The following PLCB1 variants were observed in gnomAD, a reference collection of about 807,000 sequenced individuals.
PLCB1 encodes the protein 1-phosphatidylinositol 4,5-bisphosphate phosphodiesterase beta-1.
In PLCB1, 46 loss-of-function variants were observed where a neutral mutation model predicts 161.8. The ratio of observed to expected loss-of-function variants is 0.28; its 90% CI spans 0.22 to 0.36. The LOEUF is 0.36. Ranked by LOEUF, PLCB1 falls within the 10% of genes least tolerant of loss-of-function variation. The probability of loss-of-function intolerance (pLI) is 1.00; values close to 1 mark genes in which losing one functional copy is unlikely to be tolerated. For synonymous variants in PLCB1, 517 were observed against 503.7 expected (o/e 1.03, Z -0.35); for missense variants, 1,016 against 1,472.5 (o/e 0.69, Z 5.07).
intron 2 of PLCB1, among the ~76,000 whole-genome samples, chr20:8,203,206 C>T (rs940547993): frequency 5.3e-5 from 8 of 151,810 alleles, no homozygotes; most frequent in African/African-American, 1.9e-4. Context: ...AGAATCTGAG[C>T]AATGGGAGTA....
chr20:8,561,878 A>G (rs1364501012), intron 3 of PLCB1, among the ~76,000 whole-genome samples: 1 of 148,834 alleles, frequency 6.7e-6, no homozygotes, highest in Admixed American at 6.6e-5. Context: ...CAATCTACAT[A>G]TAAGAACTAA....
intron 2 of PLCB1, among the ~76,000 whole-genome samples, chr20:8,224,941 AT>A (rs1165492351): frequency 6.6e-6 from 1 of 152,122 alleles, no homozygotes; most frequent in Non-Finnish European, 1.5e-5. Context: ...TGTGGTATTC[AT>A]TTTTTAACCA....
intron 2 of PLCB1, among the ~76,000 whole-genome samples, chr20:8,306,196 C>T (rs1338562546): frequency 6.6e-6 from 1 of 152,146 alleles, no homozygotes; most frequent in African/African-American, 2.4e-5. Flanking sequence ...CAAAGATTGG[C>T]TGCAGGGAGT....
At chr20:8,574,129 A>G (rs1986604553) in intron 3 of PLCB1, among the ~76,000 whole-genome samples, 1 of 152,242 alleles carries the variant, frequency 6.6e-6, no homozygotes, top group African/African-American at 2.4e-5. Context: ...TTGGCCTGGC[A>G]TAGTGGCTTA....
chr20:8,170,305 A>C (rs2051720701), intron 2 of PLCB1, among the ~76,000 whole-genome samples: 1 of 152,134 alleles, frequency 6.6e-6, no homozygotes, highest in Non-Finnish European at 1.5e-5. Context: ...TCAAATCCTA[A>C]AGTAGTTTTA....
intron 3 of PLCB1, among the ~76,000 whole-genome samples, chr20:8,379,756 G>T (rs1487152759): frequency 6.6e-6 from 1 of 151,940 alleles, no homozygotes; most frequent in African/African-American, 2.4e-5. Flanking sequence ...TCTTCTTTTG[G>T]AAAGTGTCTG....
In PLCB1 at chr20:8,790,193, A is replaced by C; in HGVS notation, c.3355A>C (p.Lys1119Gln). The change falls in exon 31 of 32, where the codon AAA (lysine) becomes CAA (glutamine). Residue 1119 changes from lysine (K) to glutamine (Q), a missense_variant. By Grantham distance (53) the Lys-to-Gln change is moderately conservative. Coordinates refer to ENST00000338037, the MANE Select transcript of PLCB1 (RefSeq NM_015192.4). ...YIKRLEEAQS[K>Q]RQEKLVEKHK... is the part of the protein sequence containing the mutation. ...CTTATAGCTAGAAGAAGCGCAAAGT[A>C]AACGGCAAGAAAAACTCGTAGAGAA... is the stretch of plus-strand genomic sequence containing the variant. 1 of 1,611,228 alleles carries C rather than the reference A, an allele frequency of 6.2e-7. No individual in the cohort carries two copies. Among genetic ancestry groups the C allele is most frequent in the Non-Finnish European group, 8.5e-7 (1 of 1,178,104 alleles).
intron 2 of PLCB1, among the ~76,000 whole-genome samples, chr20:8,172,340 G>A (rs774382642): frequency 6.6e-6 from 1 of 152,250 alleles, no homozygotes; most frequent in South Asian, 2.1e-4. Flanking sequence ...TTTAAAGGCC[G>A]TGAGGGATAA....
intron 3 of PLCB1, among the ~76,000 whole-genome samples, chr20:8,465,819 AAAC>A (rs1283177697): frequency 1.3e-5 from 2 of 150,922 alleles, no homozygotes; most frequent in African/African-American, 4.9e-5. Context: ...AAAAGTCAGG[AAAC>A]AACAGGTGCT....
chr20:8,419,343 C>T (rs896848867), intron 3 of PLCB1, among the ~76,000 whole-genome samples: 26 of 151,942 alleles, frequency 1.7e-4, no homozygotes, highest in Admixed American at 7.9e-4. Context: ...AGCCACTAGC[C>T]GAGGACAGAC....
intron 2 of PLCB1, among the ~76,000 whole-genome samples, chr20:8,288,826 G>A (rs1275326194): frequency 1.3e-5 from 2 of 152,082 alleles, no homozygotes; most frequent in African/African-American, 4.8e-5. Context: ...CTATTACTCT[G>A]TTATGTATAG....
intron 3 of PLCB1, among the ~76,000 whole-genome samples, chr20:8,520,780 T>C (rs145431479): frequency 1.3e-5 from 2 of 152,298 alleles, no homozygotes; most frequent in East Asian, 3.9e-4. Flanking sequence ...GGGTCTGGCT[T>C]CTTTTACTCA....
At chr20:8,194,593 T>C (rs2052003447) in intron 2 of PLCB1, among the ~76,000 whole-genome samples, 1 of 152,034 alleles carries the variant, frequency 6.6e-6, no homozygotes, top group Non-Finnish European at 1.5e-5. Flanking sequence ...TGGTAAAAAT[T>C]ATGATGAATA....
At chr20:8,302,062 T>C (rs1465697839) in intron 2 of PLCB1, among the ~76,000 whole-genome samples, 3 of 152,222 alleles carry the variant, frequency 2.0e-5, no homozygotes, top group African/African-American at 7.2e-5. Flanking sequence ...TGAAATACTT[T>C]GAACAGTGCA....
intron 3 of PLCB1, among the ~76,000 whole-genome samples, chr20:8,556,988 A>AAATG (rs1224996221): frequency 1.5e-5 from 1 of 68,870 alleles, no homozygotes; most frequent in African/African-American, 4.5e-5. Flanking sequence ...TAAATAAAAT[A>AAATG]AATAAATAAA....
At position 8,774,737 on chromosome 20, in the gene PLCB1, G is replaced by C. The variant is rs1982862057; in HGVS notation, c.3111+18G>C. The C allele has an allele frequency of 6.4e-7, 1 of 1,567,414 alleles. No homozygotes were observed. The highest frequency in any genetic ancestry group is 1.4e-5 in the African/African-American group (1 of 73,952). ...TTAAACTGGTGAGCCTGAGAAACATGATTTATGTTTGTGCAACTGGAACTC... is the reference window on the plus strand; with the variant it reads ...TTAAACTGGTGAGCCTGAGAAACATCATTTATGTTTGTGCAACTGGAACTC... On this transcript the variant is annotated intron_variant, in intron 27 of 31. Coordinates refer to ENST00000338037, the MANE Select transcript of PLCB1 (RefSeq NM_015192.4).
At chr20:8,244,486 A>C (rs1980775382) in intron 2 of PLCB1, among the ~76,000 whole-genome samples, 1 of 151,958 alleles carries the variant, frequency 6.6e-6, no homozygotes, top group South Asian at 2.1e-4. Context: ...AGGACACAAA[A>C]GAGAAATATG....
chr20:8,319,840 G>A (rs998178606), intron 2 of PLCB1, among the ~76,000 whole-genome samples: 1 of 146,418 alleles, frequency 6.8e-6, no homozygotes, highest in African/African-American at 2.5e-5. Flanking sequence ...GAAAGGAGAA[G>A]CCTCTTGGGG....
chr20:8,159,804 A>G (rs370157718), intron 2 of PLCB1, among the ~76,000 whole-genome samples: 33 of 151,938 alleles, frequency 2.2e-4, no homozygotes, highest in Admixed American at 1.6e-3. Context: ...CCTGACCAAC[A>G]TGGAGAAACC....
Sources: allele counts gnomAD v4.1 joint callset (sites outside exome capture counted in the v4.1 genomes callset), GRCh38; gene constraint gnomAD v4.1.1; transcripts MANE v1.5; gene names NCBI Gene and HGNC (gene_info 2026-07-23, HGNC 2026-07-21).